SLC24A4: variants seen among roughly 807,000 people sequenced by gnomAD.
The protein encoded by SLC24A4 is solute carrier family 24 member 4, also known as sodium/potassium/calcium exchanger 4.
A neutral mutation model predicts 79.0 loss-of-function variants in SLC24A4; 53 were observed. The observed-to-expected ratio is 0.67, with a 90% CI of 0.54 to 0.84. The LOEUF is 0.84. SLC24A4 is among the 40% of genes least tolerant of loss of function. The pLI is 0.00. For missense variants in SLC24A4, 731 were observed against 822.0 expected, an observed-to-expected ratio of 0.89 and a Z score of 1.35; for synonymous variants, 323 against 323.8, an observed-to-expected ratio of 1.00 and a Z score of 0.03.
At chr14:92,484,342 A>T (rs1895241334) in intron 13 of SLC24A4, 1 of 985,260 alleles carries the variant, frequency 1.0e-6, no homozygotes, top group African/African-American at 1.7e-5. Context: ...CTCATGCAGC[A>T]GCCCTCCTGT....
In SLC24A4 at chr14:92,323,663, G is replaced by A; in HGVS notation, c.-168G>A. 3 of 795,546 alleles carry A rather than the reference G, an allele frequency of 3.8e-6. No homozygotes were observed. The highest frequency in any genetic ancestry group is 5.5e-6 in the Non-Finnish European group (3 of 543,578). 49.3% of individuals were successfully genotyped at this position (795,546 alleles called of 1,614,324 possible). A position where few individuals can be genotyped will look rare whatever the true frequency, so the allele number is the denominator to read the frequency against. On this transcript the variant is annotated 5_prime_UTR_variant, in exon 1 of 17. Transcript: ENST00000532405. This position sits in a 1 kb window ranked among gnomAD's most constrained non-coding sequence, Gnocchi z 4.9. Reference sequence around the variant, plus strand: ...CGTCGCGCGTCCCCACCTTCCCAAGGGGCTCCCCCGCCGACCTCGCCCTCG... The same window carrying A: ...CGTCGCGCGTCCCCACCTTCCCAAGAGGCTCCCCCGCCGACCTCGCCCTCG...
intron 12 of SLC24A4, among the ~76,000 whole-genome samples, chr14:92,480,723 C>A (rs1189173359): frequency 4.0e-5 from 6 of 151,774 alleles, no homozygotes; most frequent in African/African-American, 7.3e-5. Flanking sequence ...TTTGTGCTTT[C>A]TTCTTTGACC....
At chr14:92,457,039 T>C (rs1036402310) in intron 12 of SLC24A4, among the ~76,000 whole-genome samples, 1 of 152,244 alleles carries the variant, frequency 6.6e-6, no homozygotes, top group African/African-American at 2.4e-5. Flanking sequence ...CAGGAGATTC[T>C]AAGGCCACAA....
At chr14:92,380,425 G>A (rs1450560919) in intron 2 of SLC24A4, among the ~76,000 whole-genome samples, 5 of 152,138 alleles carry the variant, frequency 3.3e-5, no homozygotes, top group African/African-American at 9.7e-5. Flanking sequence ...AAAAAGGCCA[G>A]TTTTTGCCCC....
Position 92,495,471 on chromosome 14 carries a change from G to T in SLC24A4, c.*1843G>T, listed in dbSNP as rs1440208720. On this transcript the variant is annotated 3_prime_UTR_variant, in exon 17 of 17. Transcript: ENST00000532405. Reference sequence around the variant, plus strand: ...CCTAAGAAATCAGCAAAGAGGGAAGGCAGGGCCCCTGTAGATTCACCAGTA... The same window carrying T: ...CCTAAGAAATCAGCAAAGAGGGAAGTCAGGGCCCCTGTAGATTCACCAGTA... The T allele has an allele frequency of 5.3e-5, 8 of 152,128 alleles. No homozygotes were observed. The highest frequency in any genetic ancestry group is 1.0e-4 in the Non-Finnish European group (7 of 68,036). The allele number at this position is 152,128 out of a possible 1,614,324, so 9.4% of individuals were successfully genotyped here. A position where few individuals can be genotyped will look rare whatever the true frequency, so the allele number is the denominator to read the frequency against.
At chr14:92,422,827 AT>A (rs1010314968) in intron 2 of SLC24A4, among the ~76,000 whole-genome samples, 2 of 152,150 alleles carry the variant, frequency 1.3e-5, no homozygotes, top group African/African-American at 4.8e-5. Context: ...TTATGTATTC[AT>A]TTATTGCGAC....
At chr14:92,344,409 C>T (rs977522266) in intron 2 of SLC24A4, among the ~76,000 whole-genome samples, 2 of 152,182 alleles carry the variant, frequency 1.3e-5, no homozygotes, top group Non-Finnish European at 2.9e-5. Context: ...CTAGTGAAAG[C>T]TGACTGATAC....
intron 2 of SLC24A4, among the ~76,000 whole-genome samples, chr14:92,337,911 A>G (rs555240531): frequency 6.6e-6 from 1 of 152,348 alleles, no homozygotes; most frequent in African/African-American, 2.4e-5. Context: ...ATAACTTCAC[A>G]GTACAAATTT....
intron 12 of SLC24A4, 132 bp from the exon 13 acceptor site, chr14:92,482,548 C>CA: frequency 1.3e-6 from 1 of 762,274 alleles, no homozygotes; most frequent in East Asian, 2.9e-5. Context: ...TCTGCAAGGT[C>CA]AGTTGCCTAG....
chr14:92,377,636 T>C (rs1888593525), intron 2 of SLC24A4, among the ~76,000 whole-genome samples: 1 of 152,088 alleles, frequency 6.6e-6, no homozygotes, highest in African/African-American at 2.4e-5. Context: ...TTGGGCCTTA[T>C]CTTGAGGGTG....
At chr14:92,375,785 G>A (rs1398009504) in intron 2 of SLC24A4, among the ~76,000 whole-genome samples, 1 of 152,226 alleles carries the variant, frequency 6.6e-6, no homozygotes, top group African/African-American at 2.4e-5. Context: ...CAGATTGGTG[G>A]TTGTCAAGGG....
intron 2 of SLC24A4, among the ~76,000 whole-genome samples, chr14:92,328,887 G>C (rs1005733994): frequency 1.3e-5 from 2 of 152,242 alleles, no homozygotes; most frequent in African/African-American, 4.8e-5. Context: ...CCTGGGAATC[G>C]GCGAGGTTGG....
intron 5 of SLC24A4, 131 bp downstream of exon 5, chr14:92,442,304 A>G: frequency 1.5e-6 from 1 of 675,754 alleles, no homozygotes; most frequent in South Asian, 1.8e-5. Context: ...AGAGGCAGTA[A>G]GTAGACTGGT....
At chr14:92,440,217 C>T (rs777353559) in intron 4 of SLC24A4, among the ~76,000 whole-genome samples, 6 of 152,152 alleles carry the variant, frequency 3.9e-5, no homozygotes, top group African/African-American at 4.8e-5. Context: ...GCCCCCCAAG[C>T]GGTGACCTGG....
chr14:92,372,770 T>C (rs986510283), intron 2 of SLC24A4, among the ~76,000 whole-genome samples: 1 of 152,056 alleles, frequency 6.6e-6, no homozygotes, highest in African/African-American at 2.4e-5. Context: ...CAAGTGGAGA[T>C]GATGTTGACC....
At chr14:92,352,245 G>A (rs1886936669) in intron 2 of SLC24A4, among the ~76,000 whole-genome samples, 1 of 152,164 alleles carries the variant, frequency 6.6e-6, no homozygotes, top group Non-Finnish European at 1.5e-5. Context: ...GACCTAGTGA[G>A]AGAGAGCCAC....
At chr14:92,433,811 G>A in intron 2 of SLC24A4, 101 bp from the exon 3 acceptor site, 1 of 961,580 alleles carries the variant, frequency 1.0e-6, no homozygotes, top group Non-Finnish European at 1.7e-6. Flanking sequence ...TCCAAAGCGA[G>A]GTGGGCTCTG....
chr14:92,488,999 T>C (rs1895526610), intron 14 of SLC24A4, among the ~76,000 whole-genome samples: 1 of 152,168 alleles, frequency 6.6e-6, no homozygotes, highest in Admixed American at 6.5e-5. Context: ...GATGGGGCTC[T>C]GAAGCAGCAC....
At chr14:92,480,835 C>T (rs1009284176) in intron 12 of SLC24A4, among the ~76,000 whole-genome samples, 1 of 152,092 alleles carries the variant, frequency 6.6e-6, no homozygotes, top group African/African-American at 2.4e-5. Flanking sequence ...GGTTGGAGAA[C>T]AGGAGATTAT....
Sources: gnomAD v4.1 joint callset for allele counts (sites outside exome capture counted in the v4.1 genomes callset) on GRCh38, gnomAD v4.1.1 for gene constraint, Gnocchi (gnomAD v3.1) non-coding constraint, MANE v1.5 for transcripts, NCBI Gene and HGNC (gene_info 2026-07-23, HGNC 2026-07-21) for gene names.